DNAH14: variants seen among roughly 807,000 people sequenced by gnomAD.
The protein encoded by DNAH14 is axonemal beta dynein heavy chain 14.
In DNAH14, 478 loss-of-function variants were observed where a neutral mutation model predicts 520.9. That is an observed-to-expected ratio of 0.92 (90% CI 0.85 to 0.99). DNAH14 has a LOEUF of 0.99. Among genes scored for constraint, DNAH14 ranks in the 50% least tolerant of loss-of-function variants. The probability of loss-of-function intolerance (pLI) is 0.00; values close to 1 mark genes in which losing one functional copy is unlikely to be tolerated. For missense variants in DNAH14, 4,831 were observed against 5,234.5 expected (o/e 0.92, Z 2.38); for synonymous variants, 1,581 against 1,757.2 (o/e 0.90, Z 2.51).
chr1:225,166,694 T>C (rs980360676), intron 35 of DNAH14, among the ~76,000 whole-genome samples: 7 of 152,204 alleles, frequency 4.6e-5, no homozygotes, highest in Non-Finnish European at 8.8e-5. Flanking sequence ...GTCTGACTTA[T>C]TTACATATCT....
intron 74 of DNAH14, among the ~76,000 whole-genome samples, chr1:225,359,917 C>A (rs1431968956): frequency 6.6e-6 from 1 of 152,214 alleles, no homozygotes; most frequent in African/African-American, 2.4e-5. Flanking sequence ...AAACATGTGT[C>A]ATGGTGATTT....
At chr1:224,935,611 A>G (rs1345793963) in intron 1 of DNAH14, among the ~76,000 whole-genome samples, 1 of 151,942 alleles carries the variant, frequency 6.6e-6, no homozygotes, top group Non-Finnish European at 1.5e-5. Context: ...GCCATACAAT[A>G]ATAGTAGGGG....
chr1:225,158,127 A>G (rs2081210394), intron 34 of DNAH14, among the ~76,000 whole-genome samples: 1 of 152,198 alleles, frequency 6.6e-6, no homozygotes, highest in Non-Finnish European at 1.5e-5. Context: ...CTAATATGGT[A>G]TCATAGCATG....
Position 225,147,098 on chromosome 1 carries a change from T to A in DNAH14, c.4795-6T>A, listed in dbSNP as rs1480104. 78,031 of 1,476,164 alleles carry A rather than the reference T, an allele frequency of 0.053. 3,390 individuals are homozygous for A. The highest frequency in any genetic ancestry group is 0.24 in the East Asian group (9,615 of 39,930). 91.4% of individuals were successfully genotyped at this position (1,476,164 alleles called of 1,614,324 possible). ...TTAGTAATCAATCTCTTTTTTTTTTTAAAAGATAGTGAGAAAATTTTTCTT... is the reference window on the plus strand; with the variant it reads ...TTAGTAATCAATCTCTTTTTTTTTTAAAAAGATAGTGAGAAAATTTTTCTT... On this transcript the variant is annotated splice_polypyrimidine_tract_variant and splice_region_variant and intron_variant, in intron 30 of 85. Transcript: ENST00000682510.
chr1:225,002,941 T>A lies in DNAH14; in HGVS notation c.975+14T>A. 6.5e-7 allele frequency: 1 copy of A among 1,528,834 alleles called. No individual in the cohort carries two copies. The highest frequency in any genetic ancestry group is 8.8e-7 in the Non-Finnish European group (1 of 1,137,412). The allele number at this position is 1,528,834 out of a possible 1,614,324, so 94.7% of individuals were successfully genotyped here. A position where few individuals can be genotyped will look rare whatever the true frequency, so the allele number is the denominator to read the frequency against. On this transcript the variant is annotated intron_variant, in intron 9 of 85. Coordinates refer to ENST00000682510, the MANE Select transcript of DNAH14 (RefSeq NM_001367479.1). ...TGCCTTGTAAAGGTGAGTAGAAGTA[T>A]ACTACTATAAGCTAATATTGGTATA...
At chr1:225,348,910 A>G (rs545705543) in intron 71 of DNAH14, among the ~76,000 whole-genome samples, 47 of 152,344 alleles carry the variant, frequency 3.1e-4, no homozygotes, top group African/African-American at 1.1e-3. Context: ...GATATGCAAT[A>G]TATAAAAATG....
At chr1:225,213,048 C>T (rs74629191) in intron 41 of DNAH14, among the ~76,000 whole-genome samples, 23,420 of 152,104 alleles carry the variant, frequency 0.15, 2,104 homozygotes, top group East Asian at 0.36. Context: ...TTAGGTCTAA[C>T]ATTTAAGTCT....
chr1:224,993,069 A>C (rs1259705842), intron 8 of DNAH14, among the ~76,000 whole-genome samples: 4 of 152,070 alleles, frequency 2.6e-5, no homozygotes, highest in Non-Finnish European at 5.9e-5. Flanking sequence ...TGACTTTGGT[A>C]AATAATCCTT....
intron 41 of DNAH14, among the ~76,000 whole-genome samples, chr1:225,215,468 C>G (rs1282257488): frequency 6.6e-6 from 1 of 152,082 alleles, no homozygotes; most frequent in African/African-American, 2.4e-5. Flanking sequence ...TCTTTGTTAA[C>G]TTTCTGTCTC....
intron 56 of DNAH14, among the ~76,000 whole-genome samples, 190 bp from the exon 57 acceptor site, chr1:225,302,966 G>T (rs2094167828): frequency 6.6e-6 from 1 of 152,132 alleles, no homozygotes; most frequent in Admixed American, 6.6e-5. Flanking sequence ...TCTGGGTCCA[G>T]TGCCTCCCCT....
chr1:225,322,641 G>T, intron 61 of DNAH14, 23 bp from the exon 62 acceptor site: 1 of 1,431,486 alleles, frequency 7.0e-7, no homozygotes, highest in Non-Finnish European at 9.3e-7. Context: ...TGAAGTTGAT[G>T]AGATTTTCAT....
chr1:225,232,038 A>G lies in DNAH14; in HGVS notation c.6518+887A>G, dbSNP rs570017564. Among the ~76,000 whole-genome samples the G allele has an allele frequency of 7.2e-5, 11 of 152,238 alleles. No individual in the cohort carries two copies. The highest frequency in any genetic ancestry group is 7.2e-4 in the Admixed American group (11 of 15,280). On this transcript the variant is annotated intron_variant, in intron 42 of 85. Transcript: ENST00000682510. This position sits in a 1 kb window ranked among gnomAD's most constrained non-coding sequence, Gnocchi z 4.2. ...TCTCTCCTAGATCTCAGGGTATCCT[A>G]TCATCTGAGATAACTACTATTCTGG...
intron 44 of DNAH14, among the ~76,000 whole-genome samples, chr1:225,253,808 AG>A (rs1485466946): frequency 1.3e-5 from 2 of 152,128 alleles, no homozygotes; most frequent in Non-Finnish European, 2.9e-5. Context: ...ATGATGAAAA[AG>A]TTAAATATTA....
chr1:225,086,934 G>T (rs2073873862), intron 21 of DNAH14, among the ~76,000 whole-genome samples: 1 of 150,908 alleles, frequency 6.6e-6, no homozygotes, highest in African/African-American at 2.5e-5. Flanking sequence ...CATTAAAAAT[G>T]AAAAGTGAAT....
At chr1:225,205,343 G>A (rs1462745197) in intron 39 of DNAH14, among the ~76,000 whole-genome samples, 3 of 152,138 alleles carry the variant, frequency 2.0e-5, no homozygotes, top group Non-Finnish European at 2.9e-5. Flanking sequence ...CACCATGTGA[G>A]GACAAAGAAT....
chr1:225,345,295 G>A (rs138015241), intron 69 of DNAH14, among the ~76,000 whole-genome samples: 2,872 of 152,208 alleles, frequency 0.019, 34 homozygotes, highest in Non-Finnish European at 0.031. Flanking sequence ...GTGTCCAAGG[G>A]CAAGAATCAA....
At chr1:225,349,523 TA>T (rs1038312591) in intron 71 of DNAH14, among the ~76,000 whole-genome samples, 5 of 152,108 alleles carry the variant, frequency 3.3e-5, no homozygotes, top group African/African-American at 1.2e-4. Context: ...TGAATTAATT[TA>T]AAAAACAGTA....
Position 225,144,530 on chromosome 1 carries a change from T to G in DNAH14, c.4642T>G (p.Trp1548Gly), listed in dbSNP as rs1235379785. Residue 1548 changes from tryptophan to glycine, a missense_variant, in exon 29 of 86, where the codon TGG (tryptophan) becomes GGG (glycine). Transcript: ENST00000682510. ...TATTACGCCTCTCACAGACCGATGC[T>G]GGCTGACTCTCATGGAAGCACTACA... Reference protein sequence around the residue: ...LVITPLTDRCWLTLMEALHLN... With the variant: ...LVITPLTDRCGLTLMEALHLN... The G allele has an allele frequency of 6.4e-7, 1 of 1,551,492 alleles. No individual in the cohort carries two copies. The highest frequency in any genetic ancestry group is 1.4e-5 in the African/African-American group (1 of 73,022).
chr1:225,234,945 G>T (rs1449378213), intron 42 of DNAH14, among the ~76,000 whole-genome samples: 1 of 152,096 alleles, frequency 6.6e-6, no homozygotes, highest in African/African-American at 2.4e-5. Flanking sequence ...AAGCTTTTGG[G>T]CTGAGATGAT....
Sources: gnomAD v4.1 joint callset for allele counts (sites outside exome capture counted in the v4.1 genomes callset) on GRCh38, gnomAD v4.1.1 for gene constraint, Gnocchi (gnomAD v3.1) non-coding constraint, MANE v1.5 for transcripts, NCBI Gene and HGNC (gene_info 2026-07-23, HGNC 2026-07-21) for gene names.